The following TM9SF3 variants were observed in gnomAD, a reference collection of about 807,000 sequenced individuals.
TM9SF3 encodes SM-11044-binding protein.
TM9SF3 carries 14 observed loss-of-function variants against 78.6 expected under a neutral mutation model. That is an observed-to-expected ratio of 0.18 (90% CI 0.12 to 0.28). The LOEUF (loss-of-function observed/expected upper bound fraction) is 0.28. TM9SF3 is among the 10% of genes least tolerant of loss of function. The pLI is 1.00. For missense variants in TM9SF3, 496 were observed against 721.9 expected (o/e 0.69, Z 3.59); for synonymous variants, 231 against 241.7 (o/e 0.96, Z 0.41).
intron 8 of TM9SF3, 75 bp from the exon 9 acceptor site, chr10:96,544,281 A>C: frequency 7.8e-7 from 1 of 1,280,124 alleles, no homozygotes; most frequent in South Asian, 1.7e-5. Flanking sequence ...TTTTAATATA[A>C]AGATCATGAA....
In TM9SF3 at chr10:96,559,690, T is replaced by G; in HGVS notation, c.629A>C (p.Lys210Thr). ...TTGAAAAAAGGACGGATCAAGATATTTGTCAAATCGATCTTCAAATTTCAC... is the reference window on the plus strand; with the variant it reads ...TTGAAAAAAGGACGGATCAAGATATGTGTCAAATCGATCTTCAAATTTCAC... ...SDVKFEDRFD[K>T]YLDPSFFQHR... The change falls in exon 5 of 15, where the codon AAA (lysine) becomes ACA (threonine). Residue 210 changes from lysine to threonine, a missense_variant. By Grantham distance (78) the Lys-to-Thr change is moderately conservative. This residue lies in a region of TM9SF3 where 155 missense variants were observed against 241.6 expected (regional missense o/e 0.64). Coordinates refer to ENST00000371142, the MANE Select transcript of TM9SF3 (RefSeq NM_020123.4). The G allele has an allele frequency of 1.3e-6, 2 of 1,596,162 alleles. No homozygotes were observed. Among genetic ancestry groups the G allele is most frequent in the Non-Finnish European group, 1.7e-6 (2 of 1,169,218 alleles).
chr10:96,574,144 G>T (rs1332528744), intron 2 of TM9SF3, among the ~76,000 whole-genome samples: 1 of 152,172 alleles, frequency 6.6e-6, no homozygotes, highest in Non-Finnish European at 1.5e-5. Context: ...GCAACCTACA[G>T]AATGGGAGAA....
At chr10:96,551,432 A>ATG (rs372018134) in intron 6 of TM9SF3, 21 bp from the exon 7 acceptor site, 1 of 1,373,110 alleles carries the variant, frequency 7.3e-7, no homozygotes, top group South Asian at 1.5e-5. Context: ...ATATATATAT[A>ATG]GAGAGAGAAA....
intron 5 of TM9SF3, among the ~76,000 whole-genome samples, chr10:96,557,450 T>C (rs184103458): frequency 1.0e-5 from 1 of 97,480 alleles, no homozygotes; most frequent in African/African-American, 4.4e-5. Context: ...TTTCATCACC[T>C]ACCCTGCTAC....
In TM9SF3 at chr10:96,551,320, A is replaced by G. The variant is rs751169466; in HGVS notation, c.884T>C (p.Ile295Thr). 1 of 1,613,166 alleles carries G rather than the reference A, an allele frequency of 6.2e-7. No individual in the cohort carries two copies. The highest frequency in any genetic ancestry group is 1.1e-5 in the South Asian group (1 of 91,056). Residue 295 changes from isoleucine to threonine, a missense_variant, in exon 7 of 15, where the codon ATT (isoleucine) becomes ACT (threonine). By Grantham distance (89) the Ile-to-Thr change is moderately conservative (BLOSUM62 -1). Coordinates refer to ENST00000371142, the MANE Select transcript of TM9SF3 (RefSeq NM_020123.4). ...AGCAAATATCTGACATCCAGAACCA[A>G]TCAGAGAGGAAAATATCAGTGGGTG... ...SSHPLIFSSL[I>T]GSGCQIFAVS...
intron 9 of TM9SF3, 116 bp downstream of exon 9, chr10:96,543,960 G>A: frequency 8.9e-7 from 1 of 1,121,594 alleles, no homozygotes; most frequent in Non-Finnish European, 1.2e-6. Context: ...CCAGGACTGA[G>A]TATGAACTGA....
intron 4 of TM9SF3, chr10:96,560,105 T>G (rs541272308): frequency 3.1e-6 from 2 of 652,994 alleles, no homozygotes; most frequent in African/African-American, 3.6e-5. Flanking sequence ...TGTAATTCTG[T>G]CCTGCGTGGC....
chr10:96,547,857 C>A (rs1848120504), intron 8 of TM9SF3, 38 bp downstream of exon 8: 1 of 1,500,670 alleles, frequency 6.7e-7, no homozygotes, highest in African/African-American at 1.4e-5. Context: ...ATATTAGCAT[C>A]TATAATTAAC....
intron 3 of TM9SF3, among the ~76,000 whole-genome samples, chr10:96,564,814 C>G (rs540068436): frequency 1.3e-5 from 2 of 152,244 alleles, no homozygotes. Context: ...ATTAACTATT[C>G]CATAGCTCTT....
At chr10:96,532,314 T>C (rs536387695) in intron 10 of TM9SF3, among the ~76,000 whole-genome samples, 20 of 152,162 alleles carry the variant, frequency 1.3e-4, no homozygotes, top group African/African-American at 4.8e-4. Context: ...GAAAAGAATA[T>C]GGCCAATTCA....
chr10:96,571,694 T>C (rs1381855411), intron 2 of TM9SF3, among the ~76,000 whole-genome samples: 1 of 152,002 alleles, frequency 6.6e-6, no homozygotes, highest in Non-Finnish European at 1.5e-5. Flanking sequence ...CAATTAACTC[T>C]AAAGAAAAAA....
intron 6 of TM9SF3, among the ~76,000 whole-genome samples, chr10:96,552,320 G>A (rs1268128339): frequency 1.3e-5 from 2 of 152,020 alleles, no homozygotes; most frequent in Non-Finnish European, 2.9e-5. Flanking sequence ...GTGGGGGCTT[G>A]TTCCTGTATT....
intron 9 of TM9SF3, among the ~76,000 whole-genome samples, chr10:96,533,723 T>C (rs2134132843): frequency 6.6e-6 from 1 of 152,282 alleles, no homozygotes; most frequent in South Asian, 2.1e-4. Context: ...CCCACACTCT[T>C]TTCTATCCTA....
intron 9 of TM9SF3, among the ~76,000 whole-genome samples, chr10:96,539,590 C>A (rs1847999081): frequency 6.6e-6 from 1 of 152,130 alleles, no homozygotes; most frequent in South Asian, 2.1e-4. Context: ...ATGTGACAAA[C>A]ATCTTTATCT....
Position 96,518,146 on chromosome 10 carries a change from T to A in TM9SF3, c.*4117A>T, listed in dbSNP as rs959653829. On this transcript the variant is annotated 3_prime_UTR_variant, in exon 15 of 15. Transcript: ENST00000371142. ...TTTTATTACTTTTTAAAAATCCAAA[T>A]TCAGATAAATTAACACACTAGGTTA... 2.0e-5 allele frequency: 3 copies of A among 152,192 alleles called. No individual in the cohort carries two copies. Among genetic ancestry groups the A allele is most frequent in the African/African-American group, 7.2e-5 (3 of 41,438 alleles). The allele number at this position is 152,192 out of a possible 1,614,324, so 9.4% of individuals were successfully genotyped here.
Position 96,551,336 on chromosome 10 carries a change from T to C in TM9SF3, c.868A>G (p.Ile290Val). Residue 290 changes from isoleucine to valine, a missense_variant, in exon 7 of 15, where the codon ATA becomes GTA. Coordinates refer to ENST00000371142, the MANE Select transcript of TM9SF3 (RefSeq NM_020123.4). ...CCAGAACCAATCAGAGAGGAAAATA[T>C]CAGTGGGTGACTTGATGGTCTAAAT... ...DVFRPSSHPL[I>V]FSSLIGSGCQ... The C allele has an allele frequency of 6.2e-7, 1 of 1,612,930 alleles. No homozygotes were observed. Among genetic ancestry groups the C allele is most frequent in the Middle Eastern group, 1.7e-4 (1 of 6,052 alleles).
intron 1 of TM9SF3, among the ~76,000 whole-genome samples, chr10:96,582,298 C>T (rs1015697706): frequency 6.6e-6 from 1 of 152,256 alleles, no homozygotes; most frequent in South Asian, 2.1e-4. Context: ...ACAAGACTGG[C>T]GATCAGGAAG....
At chr10:96,526,610 C>G (rs552216861) in intron 14 of TM9SF3, among the ~76,000 whole-genome samples, 1 of 152,034 alleles carries the variant, frequency 6.6e-6, no homozygotes, top group East Asian at 1.9e-4. Context: ...TGGTTTTATC[C>G]CCACTTTACA....
At chr10:96,580,277 T>C (rs1848548346) in intron 1 of TM9SF3, among the ~76,000 whole-genome samples, 1 of 152,124 alleles carries the variant, frequency 6.6e-6, no homozygotes, top group South Asian at 2.1e-4. Context: ...TGTGTGTGTG[T>C]GTGTGTGAGA....
Sources: allele counts gnomAD v4.1 joint callset (sites outside exome capture counted in the v4.1 genomes callset), GRCh38; gene constraint gnomAD v4.1.1; regional missense constraint gnomAD v4.1.1; transcripts MANE v1.5; gene names NCBI Gene and HGNC (gene_info 2026-07-23, HGNC 2026-07-21).